The following JDP2 variants were observed in gnomAD, a reference collection of about 807,000 sequenced individuals.
The protein encoded by JDP2 is Jun dimerization protein 2.
In JDP2, 9 loss-of-function variants were observed where a neutral mutation model predicts 17.1. The ratio of observed to expected loss-of-function variants is 0.53; its 90% CI spans 0.32 to 0.92. JDP2 has a LOEUF of 0.92. Ranked by LOEUF, JDP2 falls within the 40% of genes least tolerant of loss-of-function variation. The pLI is 0.04. For synonymous variants in JDP2, 107 were observed against 95.6 expected (o/e 1.12, Z -0.69); for missense variants, 179 against 220.0 (o/e 0.81, Z 1.18).
At chr14:75,456,214 C>T (rs1388778747) in intron 2 of JDP2, among the ~76,000 whole-genome samples, 1 of 152,246 alleles carries the variant, frequency 6.6e-6, no homozygotes, top group Non-Finnish European at 1.5e-5. Flanking sequence ...AGGACCAAGA[C>T]AGCGTCTTTC....
At chr14:75,451,324 G>C (rs535378565) in intron 2 of JDP2, among the ~76,000 whole-genome samples, 1 of 152,054 alleles carries the variant, frequency 6.6e-6, no homozygotes, top group African/African-American at 2.4e-5. Flanking sequence ...GGGGTGGATG[G>C]GGGGAGCAAA....
At chr14:75,462,332 C>T (rs1008390009) in intron 3 of JDP2, among the ~76,000 whole-genome samples, 11 of 152,086 alleles carry the variant, frequency 7.2e-5, no homozygotes, top group African/African-American at 1.4e-4. Context: ...ATAATAATAA[C>T]GATAATGTAT....
chr14:75,447,009 G>T (rs1264822644), intron 2 of JDP2, among the ~76,000 whole-genome samples: 8 of 152,180 alleles, frequency 5.3e-5, no homozygotes. Context: ...TTTATTGCTA[G>T]TATCTATCCA....
intron 2 of JDP2, among the ~76,000 whole-genome samples, chr14:75,441,148 A>C (rs1191216799): frequency 6.6e-6 from 1 of 152,012 alleles, no homozygotes; most frequent in Non-Finnish European, 1.5e-5. Flanking sequence ...AGAGAGAGAG[A>C]GAGCGAGAGA....
chr14:75,430,864 C>T lies in JDP2; in HGVS notation c.-24+2612C>T, dbSNP rs190943937. Among the ~76,000 whole-genome samples, 28 of 152,212 alleles carry T rather than the reference C, an allele frequency of 1.8e-4. No individual in the cohort carries two copies. The highest frequency in any genetic ancestry group is 3.9e-4 in the East Asian group (2 of 5,182). ...AACTCAGCAGAGACAAATGCCTTAG[C>T]GACCCAGTCTTGGAATTTTCAGACT... On this transcript the variant is annotated intron_variant, in intron 1 of 3. Transcript: ENST00000651602. The surrounding 1 kb of genome is among the most constrained non-coding windows in gnomAD (Gnocchi z 4.5).
intron 2 of JDP2, among the ~76,000 whole-genome samples, chr14:75,453,075 C>T (rs932813556): frequency 6.6e-6 from 1 of 151,914 alleles, no homozygotes; most frequent in Non-Finnish European, 1.5e-5. Flanking sequence ...GGGGTTTCCT[C>T]ATTCCTCCCT....
At chr14:75,445,208 C>T (rs973544180) in intron 2 of JDP2, 31 of 985,240 alleles carry the variant, frequency 3.1e-5, no homozygotes, top group South Asian at 9.4e-5. Context: ...GCCCAAAAGG[C>T]ACAAGGCAAC....
chr14:75,461,338 C>T (rs1413163702), intron 2 of JDP2, 88 bp from the exon 3 acceptor site: 9 of 963,832 alleles, frequency 9.3e-6, no homozygotes, highest in East Asian at 2.6e-5. Flanking sequence ...GTTAGAAAGG[C>T]GAAGTTGTCC....
chr14:75,445,409 AGCGTAGT>A, intron 2 of JDP2: 1 of 985,234 alleles, frequency 1.0e-6, no homozygotes, highest in East Asian at 1.1e-4. Flanking sequence ...CCTTTTACTG[AGCGTAGT>A]GCATGTGTAT....
intron 2 of JDP2, among the ~76,000 whole-genome samples, chr14:75,460,903 A>G (rs1383002090): frequency 6.6e-6 from 1 of 152,166 alleles, no homozygotes; most frequent in Non-Finnish European, 1.5e-5. Context: ...AAAGAAATTT[A>G]TTTCTCACAG....
At chr14:75,452,376 G>A (rs76616) in intron 2 of JDP2, among the ~76,000 whole-genome samples, 39,953 of 152,038 alleles carry the variant, frequency 0.26, 6,118 homozygotes, top group Admixed American at 0.36. Flanking sequence ...TTGAAGGTCA[G>A]TGAGAAATGG....
At chr14:75,442,829 T>G (rs1233032978) in intron 2 of JDP2, among the ~76,000 whole-genome samples, 1 of 152,144 alleles carries the variant, frequency 6.6e-6, no homozygotes, top group East Asian at 1.9e-4. Flanking sequence ...TCAGCTACTT[T>G]TGGGAATGTG....
At chr14:75,467,865 T>G (rs11847854) in intron 3 of JDP2, among the ~76,000 whole-genome samples, 4 of 152,084 alleles carry the variant, frequency 2.6e-5, no homozygotes, top group African/African-American at 9.6e-5. Flanking sequence ...CCCCGAGCAT[T>G]TTTTTTTCCT....
rs1326172479 is a variant in JDP2 at position 75,473,360 on chromosome 14, A to G, written c.*3885A>G. The G allele has an allele frequency of 1.3e-5, 2 of 151,948 alleles. No homozygotes were observed. Among genetic ancestry groups the G allele is most frequent in the African/African-American group, 4.8e-5 (2 of 41,342 alleles). 9.4% of individuals were successfully genotyped at this position (151,948 alleles called of 1,614,324 possible). The stretch of plus-strand genomic sequence containing the variant: ...TCTCAAAAAAAACAAAACAAAAAAA[A>G]TGTGGATTAAAGGAAACTTAGATAT... On this transcript the variant is annotated 3_prime_UTR_variant, in exon 4 of 4. Transcript: ENST00000651602.
At chr14:75,436,959 C>G (rs1369879978) in intron 1 of JDP2, among the ~76,000 whole-genome samples, 1 of 152,112 alleles carries the variant, frequency 6.6e-6, no homozygotes, top group African/African-American at 2.4e-5. Flanking sequence ...TTTGGGAGGC[C>G]AAGGTGGGCA....
chr14:75,440,594 A>T (rs1192064850), intron 2 of JDP2, among the ~76,000 whole-genome samples: 1 of 152,170 alleles, frequency 6.6e-6, no homozygotes, highest in Non-Finnish European at 1.5e-5. Flanking sequence ...TTCATTCCTT[A>T]TTCAGTCCTG....
In JDP2 at chr14:75,472,753, G is replaced by T. The variant is rs951181886; in HGVS notation, c.*3278G>T. 2 of 152,224 alleles carry T rather than the reference G, an allele frequency of 1.3e-5. No individual in the cohort carries two copies. The highest frequency in any genetic ancestry group is 2.9e-5 in the Non-Finnish European group (2 of 68,040). The allele number at this position is 152,224 out of a possible 1,614,324, so 9.4% of individuals were successfully genotyped here. ...AGTTATTGATATCTACATAGTACAG[G>T]TTATTTAAATATGTTTTATTCTGTA... On this transcript the variant is annotated 3_prime_UTR_variant, in exon 4 of 4. Transcript: ENST00000651602.
At chr14:75,433,195 C>CATAAAAA (rs1884892563) in intron 1 of JDP2, among the ~76,000 whole-genome samples, 1 of 19,374 alleles carries the variant, frequency 5.2e-5, no homozygotes, top group Non-Finnish European at 9.6e-5. Flanking sequence ...AACTCCGTCT[C>CATAAAAA]AAAAAAAAAA....
intron 2 of JDP2, chr14:75,445,511 G>A: frequency 1.0e-6 from 1 of 985,372 alleles, no homozygotes; most frequent in African/African-American, 1.7e-5. Flanking sequence ...AAAAACCCTT[G>A]CCTTTTTGGA....
Sources: gnomAD v4.1 joint callset for allele counts (sites outside exome capture counted in the v4.1 genomes callset) on GRCh38, gnomAD v4.1.1 for gene constraint, Gnocchi (gnomAD v3.1) non-coding constraint, MANE v1.5 for transcripts, NCBI Gene and HGNC (gene_info 2026-07-23, HGNC 2026-07-21) for gene names.